The following RGS7 variants were observed in gnomAD, a reference collection of about 807,000 sequenced individuals.
The protein encoded by RGS7 is regulator of G-protein signaling 7.
A neutral mutation model predicts 81.1 loss-of-function variants in RGS7; 27 were observed. The ratio of observed to expected loss-of-function variants is 0.33; its 90% CI spans 0.25 to 0.46. RGS7 has a LOEUF of 0.46. RGS7 is among the 20% of genes least tolerant of loss of function. The pLI is 1.00. For missense variants in RGS7, 396 were observed against 607.4 expected (o/e 0.65, Z 3.66); for synonymous variants, 208 against 207.7 (o/e 1.00, Z -0.01).
chr1:241,314,069 C>T (rs762475694), intron 2 of RGS7, among the ~76,000 whole-genome samples: 1 of 152,202 alleles, frequency 6.6e-6, no homozygotes, highest in Non-Finnish European at 1.5e-5. Flanking sequence ...AGTGAAGACG[C>T]TATGAACATT....
intron 9 of RGS7, among the ~76,000 whole-genome samples, chr1:240,859,440 G>GTTTTTTTTTTTTTTTTTTCTTT (rs1661769012): frequency 9.0e-6 from 1 of 110,828 alleles, no homozygotes; most frequent in Non-Finnish European, 1.8e-5. Flanking sequence ...TTTCTTTCCT[G>GTTTTTTTTTTTTTTTTTTCTTT]TTTTTTTTTT....
intron 5 of RGS7, among the ~76,000 whole-genome samples, chr1:240,932,930 C>A (rs1400990014): frequency 2.5e-5 from 3 of 119,310 alleles, no homozygotes; most frequent in Non-Finnish European, 4.8e-5. Context: ...GTCGCCCAGG[C>A]TGGACTGCAG....
At chr1:240,978,021 T>TA (rs1684401658) in intron 4 of RGS7, among the ~76,000 whole-genome samples, 2 of 152,306 alleles carry the variant, frequency 1.3e-5, no homozygotes, top group African/African-American at 2.4e-5. Context: ...AGGCAAGGAT[T>TA]ACTCCCAGGT....
chr1:241,291,192 A>C (rs1045357034), intron 2 of RGS7, among the ~76,000 whole-genome samples: 6 of 152,324 alleles, frequency 3.9e-5, no homozygotes, highest in African/African-American at 1.4e-4. Context: ...AAGAACACAA[A>C]GGAGGAAGAC....
In RGS7 at chr1:240,840,257, C is replaced by T. The variant is rs114510804; in HGVS notation, c.610-13085G>A. Among the ~76,000 whole-genome samples the T allele has an allele frequency of 7.5e-3, 1,138 of 152,056 alleles. 19 individuals are homozygous for T. Among genetic ancestry groups the T allele is most frequent in the African/African-American group, 0.026 (1,078 of 41,472 alleles). On this transcript the variant is annotated intron_variant, in intron 9 of 18. Coordinates refer to ENST00000440928, the MANE Select transcript of RGS7 (RefSeq NM_001364886.1). ...AAGGCAAACACCTTGCCATGCTCTA[C>T]GAGGTGTTACACTTTTCTTTTCTTT...
rs73125553 is a variant in RGS7, at chr1:241,058,004, C to G, written c.175+40662G>C. Among the ~76,000 whole-genome samples, 1,317 of 152,208 alleles carry G rather than the reference C, an allele frequency of 8.7e-3. 20 individuals are homozygous for G. The highest frequency in any genetic ancestry group is 0.03 in the African/African-American group (1,237 of 41,530). On this transcript the variant is annotated intron_variant, in intron 3 of 18. Coordinates refer to ENST00000440928, the MANE Select transcript of RGS7 (RefSeq NM_001364886.1). ...CATCCCACTAGGAATGTCAGGCAAC[C>G]ATCAGGTGATGGTCATGCAGTTGTC...
intron 6 of RGS7, chr1:240,920,335 G>A (rs1572766847): frequency 6.6e-7 from 1 of 1,522,392 alleles, no homozygotes; most frequent in East Asian, 2.3e-5. Flanking sequence ...GGTGGCTTTG[G>A]TGGCAGCTGT....
rs34738551 is a variant in RGS7 at position 241,047,733 on chromosome 1, CTTTTTTTT to C, written c.175+50925_175+50932del. Among the ~76,000 whole-genome samples the C allele has an allele frequency of 3.7e-3, 330 of 89,528 alleles. 2 individuals carry two copies. Among genetic ancestry groups the C allele is most frequent in the African/African-American group, 0.014 (304 of 21,952 alleles). 58.7% of individuals were successfully genotyped at this position (89,528 alleles called of 152,430 possible). A position where few individuals can be genotyped will look rare whatever the true frequency, so the allele number is the denominator to read the frequency against. The stretch of plus-strand genomic sequence containing the variant: ...CTCTGTCAAATAATTGTTTACAATC[CTTTTTTTT>C]TTTTTTTTTTTTTTTTGAGATGGAC... On this transcript the variant is annotated intron_variant, in intron 3 of 18. Coordinates refer to ENST00000440928, the MANE Select transcript of RGS7 (RefSeq NM_001364886.1).
chr1:241,332,130 T>C (rs2082010044), intron 2 of RGS7, among the ~76,000 whole-genome samples: 1 of 152,134 alleles, frequency 6.6e-6, no homozygotes, highest in Non-Finnish European at 1.5e-5. Flanking sequence ...AAAGTAATCA[T>C]GCAAGGAACA....
In RGS7 at chr1:240,856,378, G is replaced by A. The variant is rs187677722; in HGVS notation, c.609+12209C>T. On this transcript the variant is annotated intron_variant, in intron 9 of 18. Transcript: ENST00000440928. ...TGGACTCTGAGTATCTCAGTCACTG[G>A]GGCAGTATTTTTCATCCTCTTCTCT... 5.3e-5 allele frequency among the ~76,000 whole-genome samples: 8 copies of A among 152,134 alleles called. No homozygotes were observed. The East Asian group carries it at 1.5e-3, about 29-fold the overall frequency.
chr1:241,214,090 A>G (rs964523353), intron 2 of RGS7, among the ~76,000 whole-genome samples: 1 of 152,186 alleles, frequency 6.6e-6, no homozygotes, highest in Non-Finnish European at 1.5e-5. Flanking sequence ...ATATTTATCT[A>G]TGTATTAACA....
chr1:240,895,648 T>C (rs1668971317), intron 6 of RGS7, among the ~76,000 whole-genome samples: 2 of 152,220 alleles, frequency 1.3e-5, no homozygotes, highest in Non-Finnish European at 2.9e-5. Context: ...TAGTATTCCA[T>C]GGTGTATATG....
chr1:241,324,059 C>T (rs762644616), intron 2 of RGS7, among the ~76,000 whole-genome samples: 3 of 152,106 alleles, frequency 2.0e-5, no homozygotes, highest in East Asian at 3.9e-4. Context: ...ATGAGAAATG[C>T]GTGAGATGAT....
In RGS7 at chr1:241,057,109, A is replaced by T. The variant is rs141455404; in HGVS notation, c.175+41557T>A. ...TTAATAGTATTTAAAACACAAAGTAATTTTTTTTGGCTGGGGAGAGATAGC... is the reference window on the plus strand; with the variant it reads ...TTAATAGTATTTAAAACACAAAGTATTTTTTTTTGGCTGGGGAGAGATAGC... On this transcript the variant is annotated intron_variant, in intron 3 of 18. Coordinates refer to ENST00000440928, the MANE Select transcript of RGS7 (RefSeq NM_001364886.1). Among the ~76,000 whole-genome samples, 494 of 151,754 alleles carry T rather than the reference A, an allele frequency of 3.3e-3. 1 individual carries two copies. The highest frequency in any genetic ancestry group is 0.014 in the Middle Eastern group (4 of 294).
At chr1:240,987,392 AG>A (rs1488480215) in intron 3 of RGS7, among the ~76,000 whole-genome samples, 3 of 152,222 alleles carry the variant, frequency 2.0e-5, no homozygotes, top group Non-Finnish European at 4.4e-5. Context: ...GAAATGGAAA[AG>A]CTCTTTGTAC....
chr1:241,100,721 A>G (rs970333222), intron 2 of RGS7, among the ~76,000 whole-genome samples: 3 of 152,202 alleles, frequency 2.0e-5, no homozygotes, highest in Non-Finnish European at 4.4e-5. Context: ...AGGGTGGGGT[A>G]AAGTATTTTA....
intron 6 of RGS7, among the ~76,000 whole-genome samples, chr1:240,900,945 G>A (rs572005308): frequency 4.6e-4 from 70 of 151,922 alleles, no homozygotes; most frequent in African/African-American, 1.7e-3. Flanking sequence ...GCTCCACCCA[G>A]TTCGAGCTTC....
intron 2 of RGS7, among the ~76,000 whole-genome samples, chr1:241,263,430 C>T (rs973990970): frequency 2.6e-5 from 4 of 152,116 alleles, no homozygotes; most frequent in Admixed American, 6.6e-5. Context: ...GAACTGCAGT[C>T]GCTCCAAAGG....
intron 4 of RGS7, among the ~76,000 whole-genome samples, chr1:240,970,456 G>A (rs988683671): frequency 2.0e-5 from 3 of 152,182 alleles, no homozygotes; most frequent in Admixed American, 6.6e-5. Context: ...AAATGCAAAC[G>A]CAACACCAAA....
Sources: gnomAD v4.1 joint callset for allele counts (sites outside exome capture counted in the v4.1 genomes callset) on GRCh38, gnomAD v4.1.1 for gene constraint, MANE v1.5 for transcripts, NCBI Gene and HGNC (gene_info 2026-07-23, HGNC 2026-07-21) for gene names.